TANC2: variants seen among roughly 807,000 people sequenced by gnomAD.
TANC2 encodes the protein tetratricopeptide repeat, ankyrin repeat and coiled-coil containing 2, also known as protein TANC2.
Under a neutral mutation model 210.5 loss-of-function variants are expected in TANC2, and 26 were observed. The ratio of observed to expected loss-of-function variants is 0.12; its 90% CI spans 0.09 to 0.17. The LOEUF (loss-of-function observed/expected upper bound fraction) is 0.17. TANC2 is among the 10% of genes least tolerant of loss of function. TANC2 has a pLI of 1.00. For synonymous variants in TANC2, 931 were observed against 967.1 expected (o/e 0.96, Z 0.69); for missense variants, 2,129 against 2,608.9 (o/e 0.82, Z 4.01).
At chr17:63,403,108 A>G (rs562463739) in intron 19 of TANC2, among the ~76,000 whole-genome samples, 2 of 152,356 alleles carry the variant, frequency 1.3e-5, no homozygotes, top group African/African-American at 4.8e-5. Context: ...GAAATGGGGC[A>G]GCCAGAGCCA....
At chr17:63,056,288 A>G (rs1185689288) in intron 2 of TANC2, among the ~76,000 whole-genome samples, 2 of 151,514 alleles carry the variant, frequency 1.3e-5, no homozygotes, top group African/African-American at 4.8e-5. Context: ...TTTTATGATT[A>G]GTTTCCACTG....
intron 5 of TANC2, among the ~76,000 whole-genome samples, chr17:63,165,605 T>C (rs1037165575): frequency 1.6e-4 from 24 of 152,212 alleles, no homozygotes; most frequent in African/African-American, 5.5e-4. Context: ...GCCTAGGTAA[T>C]TACATCATAT....
intron 3 of TANC2, among the ~76,000 whole-genome samples, chr17:63,080,506 G>A (rs1336943351): frequency 6.6e-6 from 1 of 152,174 alleles, no homozygotes; most frequent in Non-Finnish European, 1.5e-5. Flanking sequence ...GGGAAAATGC[G>A]GACGATGTGG....
intron 1 of TANC2, among the ~76,000 whole-genome samples, chr17:62,999,199 C>T (rs532808632): frequency 2.0e-5 from 3 of 152,154 alleles, no homozygotes; most frequent in African/African-American, 7.2e-5. Context: ...TGTGGCACCT[C>T]CCCCCAACAC....
chr17:63,370,851 T>C (rs568314037), intron 14 of TANC2, among the ~76,000 whole-genome samples: 131 of 152,288 alleles, frequency 8.6e-4, no homozygotes, highest in Non-Finnish European at 1.1e-3. Flanking sequence ...ATTATTTCTG[T>C]CTGCATTTCG....
intron 4 of TANC2, among the ~76,000 whole-genome samples, chr17:63,112,481 T>C (rs901766406): frequency 6.6e-6 from 1 of 152,140 alleles, no homozygotes; most frequent in African/African-American, 2.4e-5. Context: ...CTTTATGGAA[T>C]GTCTGTAATG....
intron 9 of TANC2, among the ~76,000 whole-genome samples, chr17:63,268,448 C>T (rs1454858519): frequency 1.3e-5 from 2 of 152,168 alleles, no homozygotes; most frequent in Non-Finnish European, 2.9e-5. Context: ...GTGTATGAAA[C>T]ATATGAATTT....
intron 5 of TANC2, among the ~76,000 whole-genome samples, chr17:63,160,017 C>T (rs1186833117): frequency 2.0e-5 from 3 of 152,214 alleles, no homozygotes; most frequent in Non-Finnish European, 4.4e-5. Context: ...TCACTGTGTC[C>T]TCACATGCTT....
intron 1 of TANC2, among the ~76,000 whole-genome samples, chr17:62,998,122 ACAATT>A (rs1214296473): frequency 2.6e-5 from 4 of 152,216 alleles, no homozygotes; most frequent in African/African-American, 9.6e-5. Flanking sequence ...ATTTCATAAT[ACAATT>A]GCAAATATTA....
At chr17:63,352,500 A>G (rs1003733361) in intron 13 of TANC2, among the ~76,000 whole-genome samples, 3 of 152,182 alleles carry the variant, frequency 2.0e-5, no homozygotes, top group African/African-American at 7.2e-5. Flanking sequence ...TATCATTATT[A>G]GTAGCTTGAT....
chr17:63,066,207 T>A (rs781356316), intron 2 of TANC2, among the ~76,000 whole-genome samples: 2 of 152,078 alleles, frequency 1.3e-5, no homozygotes, highest in Non-Finnish European at 2.9e-5. Context: ...GCTTGGGACT[T>A]TGAGAGCTGG....
At chr17:63,366,293 G>A (rs1368572831) in intron 14 of TANC2, among the ~76,000 whole-genome samples, 1 of 152,018 alleles carries the variant, frequency 6.6e-6, no homozygotes, top group African/African-American at 2.4e-5. Flanking sequence ...AGCACTGCTG[G>A]GAATACAAAT....
chr17:63,119,475 G>A (rs1040228839), intron 4 of TANC2, among the ~76,000 whole-genome samples: 7 of 152,244 alleles, frequency 4.6e-5, no homozygotes, highest in African/African-American at 1.7e-4. Flanking sequence ...TTAATCATTT[G>A]TATTAACAGT....
At chr17:63,258,085 T>C (rs1355286965) in intron 8 of TANC2, among the ~76,000 whole-genome samples, 1 of 152,162 alleles carries the variant, frequency 6.6e-6, no homozygotes, top group Admixed American at 6.5e-5. Flanking sequence ...GGGAGAGCCT[T>C]TGTTTCTCCT....
intron 2 of TANC2, among the ~76,000 whole-genome samples, chr17:63,053,613 T>C (rs2035662013): frequency 6.6e-6 from 1 of 152,220 alleles, no homozygotes; most frequent in Non-Finnish European, 1.5e-5. Context: ...TTTCATAGTT[T>C]AAATGGGATT....
At chr17:62,974,296 C>CT (rs566977637) in intron 1 of TANC2, among the ~76,000 whole-genome samples, 5 of 151,508 alleles carry the variant, frequency 3.3e-5, no homozygotes, top group African/African-American at 1.2e-4. Context: ...GATTCTATTC[C>CT]TTTTTTTTTC....
At chr17:63,098,517 A>ATG (rs2037498554) in intron 3 of TANC2, among the ~76,000 whole-genome samples, 1 of 127,786 alleles carries the variant, frequency 7.8e-6, no homozygotes, top group Non-Finnish European at 1.7e-5. Flanking sequence ...CTCTGTGTGT[A>ATG]TATATATATA....
chr17:63,142,792 G>A (rs1290001907), intron 4 of TANC2, among the ~76,000 whole-genome samples: 2 of 152,084 alleles, frequency 1.3e-5, no homozygotes, highest in African/African-American at 4.8e-5. Context: ...CTTCTGAAAC[G>A]AGTTTCTTAA....
At chr17:62,987,325 G>T (rs923149366) in intron 1 of TANC2, among the ~76,000 whole-genome samples, 2 of 152,172 alleles carry the variant, frequency 1.3e-5, no homozygotes, top group Non-Finnish European at 2.9e-5. Flanking sequence ...AGGTGCAGTG[G>T]CTACTGGCCC....
Sources: gnomAD v4.1 joint callset for allele counts (sites outside exome capture counted in the v4.1 genomes callset) on GRCh38, gnomAD v4.1.1 for gene constraint, MANE v1.5 for transcripts, NCBI Gene and HGNC (gene_info 2026-07-23, HGNC 2026-07-21) for gene names.